Variants in RPSA2 observed in about 807,000 individuals in gnomAD.
RPSA2 encodes ribosomal protein SA 2.
At chr19:23,809,608 T>C in the RPSA2 span, 1 of 152,174 alleles carries the variant, frequency 6.6e-6, no homozygotes, top group Non-Finnish European at 1.5e-5. Flanking sequence ...AATTATTTCA[T>C]TGCTATTGTA....
the RPSA2 span, among the ~76,000 whole-genome samples, chr19:23,788,964 C>G: frequency 6.6e-6 from 1 of 151,406 alleles, no homozygotes; most frequent in East Asian, 1.9e-4. Flanking sequence ...TCACTGGGCC[C>G]AGCACCCAGA....
the RPSA2 span, among the ~76,000 whole-genome samples, chr19:23,870,326 T>C: frequency 2.6e-5 from 4 of 152,204 alleles, no homozygotes; most frequent in African/African-American, 9.7e-5. Flanking sequence ...CAAACTGAAG[T>C]GGTAATATTA....
the RPSA2 span, among the ~76,000 whole-genome samples, chr19:23,868,777 G>T: frequency 2.6e-5 from 4 of 152,148 alleles, no homozygotes; most frequent in East Asian, 7.7e-4. Flanking sequence ...CCATGTGGGT[G>T]CCCTCAAGGT....
the RPSA2 span, among the ~76,000 whole-genome samples, chr19:23,816,135 GTTTA>G: frequency 1.3e-5 from 2 of 151,076 alleles, no homozygotes; most frequent in Non-Finnish European, 2.9e-5. Flanking sequence ...TTATTTACTT[GTTTA>G]TTCATTTATT....
chr19:23,766,701 G>T, the RPSA2 span, among the ~76,000 whole-genome samples: 2 of 150,594 alleles, frequency 1.3e-5, no homozygotes, highest in Admixed American at 6.6e-5. Context: ...TGATCCGCCC[G>T]CCTCGGCCTC....
the RPSA2 span, among the ~76,000 whole-genome samples, chr19:23,770,396 A>G: frequency 6.6e-6 from 1 of 152,110 alleles, no homozygotes; most frequent in East Asian, 1.9e-4. Context: ...ATGACATGGG[A>G]ACTGCCCATG....
At chr19:23,803,417 C>A in the RPSA2 span, among the ~76,000 whole-genome samples, 1 of 151,790 alleles carries the variant, frequency 6.6e-6, no homozygotes, top group Non-Finnish European at 1.5e-5. Flanking sequence ...TTTTTTAAAA[C>A]CATTGTTTGC....
the RPSA2 span, among the ~76,000 whole-genome samples, chr19:23,855,089 C>T: frequency 7.6e-3 from 1,160 of 152,214 alleles, 18 homozygotes; most frequent in African/African-American, 0.026. Context: ...GCCTGGGGCA[C>T]GTAATTTATC....
chr19:23,837,452 T>C, the RPSA2 span, among the ~76,000 whole-genome samples: 97 of 150,844 alleles, frequency 6.4e-4, 7 homozygotes. Context: ...TTTGGCTATA[T>C]GGGCTTCGTA....
At chr19:23,775,212 A>G in the RPSA2 span, among the ~76,000 whole-genome samples, 2 of 152,176 alleles carry the variant, frequency 1.3e-5, no homozygotes, top group African/African-American at 4.8e-5. Flanking sequence ...TAAGATTATC[A>G]CCTTCATCCA....
At chr19:23,855,458 T>C in the RPSA2 span, among the ~76,000 whole-genome samples, 2 of 152,294 alleles carry the variant, frequency 1.3e-5, no homozygotes, top group Non-Finnish European at 2.9e-5. Flanking sequence ...CACATACTGA[T>C]GCACTTGTAT....
chr19:23,788,229 A>G, the RPSA2 span, among the ~76,000 whole-genome samples: 1 of 68,552 alleles, frequency 1.5e-5, no homozygotes, highest in African/African-American at 5.2e-5. Context: ...TGTGCCATAT[A>G]GCTGGGCCCA....
the RPSA2 span, among the ~76,000 whole-genome samples, chr19:23,834,287 TAATG>T: frequency 1.2e-4 from 18 of 148,732 alleles, no homozygotes; most frequent in South Asian, 6.5e-4. Context: ...AAGTGAATAA[TAATG>T]AAGTTAAACT....
the RPSA2 span, among the ~76,000 whole-genome samples, chr19:23,815,724 T>C: frequency 6.6e-6 from 1 of 152,182 alleles, no homozygotes; most frequent in African/African-American, 2.4e-5. Flanking sequence ...CTGAATTTTC[T>C]ATTTATTATT....
At chr19:23,800,543 G>A in the RPSA2 span, among the ~76,000 whole-genome samples, 2 of 152,096 alleles carry the variant, frequency 1.3e-5, no homozygotes, top group Non-Finnish European at 2.9e-5. Context: ...AGGCAGAATT[G>A]TGTCTCTGCC....
At chr19:23,772,340 G>C in the RPSA2 span, among the ~76,000 whole-genome samples, 6 of 152,118 alleles carry the variant, frequency 3.9e-5, no homozygotes, top group African/African-American at 1.4e-4. Context: ...ATGTGACACT[G>C]CTGCTTGGTT....
chr19:23,766,036 C>A, the RPSA2 span, among the ~76,000 whole-genome samples: 11 of 151,354 alleles, frequency 7.3e-5, no homozygotes, highest in Admixed American at 7.3e-4. Flanking sequence ...ACTAACATAG[C>A]AGTGGGAATA....
chr19:23,856,681 C>T, the RPSA2 span, among the ~76,000 whole-genome samples: 38 of 152,140 alleles, frequency 2.5e-4, no homozygotes, highest in African/African-American at 7.7e-4. Flanking sequence ...CCATAATTGT[C>T]GGCCGGTCTG....
chr19:23,853,640 C>T, the RPSA2 span, among the ~76,000 whole-genome samples: 1 of 152,160 alleles, frequency 6.6e-6, no homozygotes, highest in African/African-American at 2.4e-5. Context: ...GGTACCGAGT[C>T]TGGGAACAAA....
Sources: allele counts gnomAD v4.1 joint callset (sites outside exome capture counted in the v4.1 genomes callset), GRCh38; gene constraint gnomAD v4.1.1; transcripts MANE v1.5; gene names NCBI Gene and HGNC (gene_info 2026-07-23, HGNC 2026-07-21).